Variants in ANKRD36C observed in about 807,000 individuals in gnomAD.
The protein encoded by ANKRD36C is ankyrin repeat domain-containing protein 36C.
A neutral mutation model predicts 276.4 loss-of-function variants in ANKRD36C; 61 were observed. The ratio of observed to expected loss-of-function variants is 0.22; its 90% CI spans 0.18 to 0.27. The LOEUF (loss-of-function observed/expected upper bound fraction) is 0.27. ANKRD36C is among the 10% of genes least tolerant of loss of function. The probability of loss-of-function intolerance (pLI) is 1.00; values close to 1 mark genes in which losing one functional copy is unlikely to be tolerated. For missense variants in ANKRD36C, 1,447 were observed against 2,032.3 expected (o/e 0.71, Z 5.54); for synonymous variants, 483 against 680.1 (o/e 0.71, Z 4.51).
intron 38 of ANKRD36C, 73 bp from the exon 41 acceptor site, chr2:95,914,376 T>G (rs1285518280): frequency 6.6e-7 from 1 of 1,508,226 alleles, no homozygotes; most frequent in Non-Finnish European, 9.0e-7. Flanking sequence ...CATGCAGTGT[T>G]AGCATCAACC....
chr2:95,927,521 C>T (rs1172363598), intron 26 of ANKRD36C, 112 bp from the exon 27 acceptor site: 83 of 1,506,956 alleles, frequency 5.5e-5, no homozygotes, highest in Middle Eastern at 2.5e-4. Context: ...CTAGTGTAGG[C>T]TTTGATGTTT....
At chr2:95,976,698 G>A (rs1678816454) in intron 6 of ANKRD36C, among the ~76,000 whole-genome samples, 1 of 151,932 alleles carries the variant, frequency 6.6e-6, no homozygotes, top group Non-Finnish European at 1.5e-5. Context: ...CTCCATATTT[G>A]GACAACAGAC....
At chr2:95,929,435 C>T (rs1421860520) in intron 24 of ANKRD36C, among the ~76,000 whole-genome samples, 168 bp from the exon 25 acceptor site, 2 of 151,350 alleles carry the variant, frequency 1.3e-5, no homozygotes, top group African/African-American at 4.8e-5. Flanking sequence ...GAAGGAAATA[C>T]ACTGAAGAAA....
chr2:95,968,407 C>T (rs2104517326), intron 6 of ANKRD36C, among the ~76,000 whole-genome samples: 1 of 152,216 alleles, frequency 6.6e-6, no homozygotes, highest in Middle Eastern at 3.4e-3. Flanking sequence ...TCCTATCACA[C>T]TGACAGAAAA....
Position 95,851,533 on chromosome 2 carries a change from G to A in ANKRD36C, c.5313+161C>T, listed in dbSNP as rs542514496. Among the ~76,000 whole-genome samples, 30 of 152,164 alleles carry A rather than the reference G, an allele frequency of 2.0e-4. No homozygotes were observed. In the East Asian group the frequency reaches 5.6e-3, roughly 28 times the overall value. On this transcript the variant is annotated intron_variant, in intron 66 of 66. Coordinates refer to ENST00000456556, the Ensembl canonical transcript of ANKRD36C. ...AAATGAATTTCATGTTTAGACTCAG[G>A]TACCATCCGCAAGATATTTCATTAG...
At chr2:95,917,984 A>T (rs1443703967) in intron 35 of ANKRD36C, 30 bp downstream of exon 37, 2 of 1,599,534 alleles carry the variant, frequency 1.3e-6, no homozygotes, top group East Asian at 2.3e-5. Flanking sequence ...TATGTGTCAT[A>T]GAATACAATG....
At position 95,903,188 on chromosome 2, in the gene ANKRD36C, G is replaced by A. The variant is rs531052783; in HGVS notation, c.2654-3852C>T. ...CCTCTGTCCTCCTGCCTGTATTAGC[G>A]TAGGCTTTGATGGCTTCTACTTTGT... is the stretch of plus-strand genomic sequence containing the variant. On this transcript the variant is annotated intron_variant, in intron 42 of 66. Transcript: ENST00000456556. The A allele has an allele frequency of 2.8e-4, 423 of 1,500,416 alleles. 16 individuals are homozygous for A. The South Asian group carries it at 4.2e-3, about 15-fold the overall frequency. 92.9% of individuals were successfully genotyped at this position (1,500,416 alleles called of 1,614,324 possible). A position where few individuals can be genotyped will look rare whatever the true frequency, so the allele number is the denominator to read the frequency against.
At chr2:95,880,359 AGACT>A (rs1676049088) in intron 58 of ANKRD36C, 64 bp downstream of exon 78, 6 of 1,104,192 alleles carry the variant, frequency 5.4e-6, no homozygotes, top group Non-Finnish European at 6.5e-6. Flanking sequence ...GAGAATAGAA[AGACT>A]ATGAGCATTA....
intron 32 of ANKRD36C, 83 bp from the exon 33 acceptor site, chr2:95,921,893 T>A (rs767782471): frequency 2.1e-6 from 3 of 1,397,474 alleles, no homozygotes. Flanking sequence ...TCAAGCTGTA[T>A]CTGCCTGCCT....
intron 6 of ANKRD36C, among the ~76,000 whole-genome samples, chr2:95,967,240 T>C (rs941980410): frequency 2.0e-5 from 3 of 152,220 alleles, no homozygotes; most frequent in African/African-American, 7.2e-5. Context: ...GTTTGCAATC[T>C]GTCCATCTGA....
chr2:95,946,287 G>C (rs1678048282), intron 17 of ANKRD36C, among the ~76,000 whole-genome samples: 1 of 150,950 alleles, frequency 6.6e-6, no homozygotes, highest in Non-Finnish European at 1.5e-5. Context: ...CATTTATGCA[G>C]CCAAAAAACA....
At chr2:95,977,417 T>A (rs912572165) in intron 6 of ANKRD36C, among the ~76,000 whole-genome samples, 1 of 152,198 alleles carries the variant, frequency 6.6e-6, no homozygotes, top group African/African-American at 2.4e-5. Flanking sequence ...ATTGTTTTTT[T>A]ATAAATAAAA....
At chr2:95,849,024 A>G (rs1675231901), downstream of ANKRD36C, among the ~76,000 whole-genome samples, 1 of 151,980 alleles carries the variant, frequency 6.6e-6, no homozygotes. Flanking sequence ...ATACAATTTT[A>G]TTGTCTTTTA....
exon 26 of ANKRD36C, chr2:95,929,110 A>C (rs80159651): frequency 3.9e-5 from 62 of 1,603,718 alleles, no homozygotes; most frequent in East Asian, 3.3e-4. Context: ...TTCTGTGGCT[A>C]TATTTGAAAC....
intron 28 of ANKRD36C, among the ~76,000 whole-genome samples, chr2:95,926,845 T>C (rs1424788254): frequency 1.3e-5 from 2 of 151,624 alleles, no homozygotes; most frequent in African/African-American, 4.8e-5. Context: ...ATTACCATAA[T>C]TTCTCCATCT....
intron 17 of ANKRD36C, among the ~76,000 whole-genome samples, chr2:95,945,476 A>G (rs888655793): frequency 2.0e-5 from 3 of 151,876 alleles, no homozygotes; most frequent in Non-Finnish European, 4.4e-5. Context: ...AAATTTACTC[A>G]TCTGTAATTT....
intron 50 of ANKRD36C, 42 bp downstream of exon 70, chr2:95,887,883 A>G: frequency 1.3e-6 from 2 of 1,549,736 alleles, no homozygotes; most frequent in South Asian, 2.4e-5. Flanking sequence ...GTACTTTTCT[A>G]TCTGGACTGA....
chr2:95,938,025 C>G (rs991495216), intron 22 of ANKRD36C, among the ~76,000 whole-genome samples: 3 of 152,060 alleles, frequency 2.0e-5, no homozygotes, highest in Non-Finnish European at 4.4e-5. Flanking sequence ...CTGGACAGAT[C>G]TGAAATATAT....
chr2:95,868,704 C>A (rs1675734148), intron 59 of ANKRD36C, among the ~76,000 whole-genome samples: 1 of 151,020 alleles, frequency 6.6e-6, no homozygotes, highest in Admixed American at 6.6e-5. Flanking sequence ...TGGACTACTA[C>A]AGAGACAGAC....
Sources: allele counts gnomAD v4.1 joint callset (sites outside exome capture counted in the v4.1 genomes callset), GRCh38; gene constraint gnomAD v4.1.1; transcripts MANE v1.5; gene names NCBI Gene and HGNC (gene_info 2026-07-23, HGNC 2026-07-21).